RAB38: variants seen among roughly 807,000 people sequenced by gnomAD.
The protein encoded by RAB38 is RAB38, member RAS oncogene family.
RAB38 carries 15 observed loss-of-function variants against 18.4 expected under a neutral mutation model. That is an observed-to-expected ratio of 0.82 (90% CI 0.55 to 1.26). RAB38 has a LOEUF of 1.26. Ranked by LOEUF, RAB38 falls within the 50% of genes most tolerant of loss-of-function variation. The pLI is 0.00. For synonymous variants in RAB38, 101 were observed against 104.4 expected, an observed-to-expected ratio of 0.97 and a Z score of 0.20; for missense variants, 294 against 267.4, an observed-to-expected ratio of 1.10 and a Z score of -0.69.
chr11:88,083,309 A>G, the RAB38 span, among the ~76,000 whole-genome samples: 8 of 151,986 alleles, frequency 5.3e-5, no homozygotes, highest in African/African-American at 1.9e-4. Flanking sequence ...TATGTGCATT[A>G]TATATTTTTG....
the RAB38 span, among the ~76,000 whole-genome samples, chr11:87,957,994 C>A: frequency 2.0e-5 from 3 of 152,254 alleles, no homozygotes; most frequent in South Asian, 4.1e-4. Flanking sequence ...CCCAGACTTA[C>A]AATGATTCGA....
At chr11:87,829,789 A>T in the RAB38 span, among the ~76,000 whole-genome samples, 3 of 152,194 alleles carry the variant, frequency 2.0e-5, no homozygotes, top group Non-Finnish European at 4.4e-5. Context: ...AGCAGTGTGG[A>T]TAGTGAGGTA....
the RAB38 span, among the ~76,000 whole-genome samples, chr11:88,106,663 G>C: frequency 6.6e-6 from 1 of 152,128 alleles, no homozygotes; most frequent in Non-Finnish European, 1.5e-5. Flanking sequence ...TTAGCTTGAT[G>C]ATATGGAAAA....
chr11:88,095,527 C>T, the RAB38 span, among the ~76,000 whole-genome samples: 1 of 151,828 alleles, frequency 6.6e-6, no homozygotes, highest in African/African-American at 2.4e-5. Context: ...TATGCTATTC[C>T]TTCTTATTTT....
At chr11:88,089,238 C>T in the RAB38 span, among the ~76,000 whole-genome samples, 1 of 151,506 alleles carries the variant, frequency 6.6e-6, no homozygotes, top group Non-Finnish European at 1.5e-5. Flanking sequence ...GTTGGGCAAC[C>T]CTGAGGTGGC....
chr11:88,169,973 C>A (rs1426926), intron 1 of RAB38, among the ~76,000 whole-genome samples: 1 of 151,876 alleles, frequency 6.6e-6, no homozygotes, highest in Non-Finnish European at 1.5e-5. Flanking sequence ...TATATACATA[C>A]ATATATTTGC....
the RAB38 span, among the ~76,000 whole-genome samples, chr11:87,951,720 T>C: frequency 1.3e-5 from 2 of 152,058 alleles, no homozygotes; most frequent in Non-Finnish European, 2.9e-5. Context: ...CGGATATTGG[T>C]GAACCGCAAA....
At chr11:88,098,098 A>C in the RAB38 span, 1 of 151,602 alleles carries the variant, frequency 6.6e-6, no homozygotes, top group South Asian at 2.1e-4. Context: ...GAGATGCAGT[A>C]ATACATAAAT....
At chr11:87,952,086 G>A in the RAB38 span, among the ~76,000 whole-genome samples, 1 of 152,134 alleles carries the variant, frequency 6.6e-6, no homozygotes, top group Non-Finnish European at 1.5e-5. Flanking sequence ...GAAGCAGTGG[G>A]TAAGGTCCTG....
the RAB38 span, among the ~76,000 whole-genome samples, chr11:88,029,033 G>C: frequency 6.6e-6 from 1 of 152,028 alleles, no homozygotes; most frequent in Non-Finnish European, 1.5e-5. Flanking sequence ...CGGATCTCTC[G>C]GCAGAAACTC....
the RAB38 span, among the ~76,000 whole-genome samples, chr11:88,027,894 C>G: frequency 1.3e-5 from 2 of 152,188 alleles, no homozygotes; most frequent in Non-Finnish European, 2.9e-5. Flanking sequence ...CAGCATGCAG[C>G]TGGAGATCTG....
the RAB38 span, among the ~76,000 whole-genome samples, chr11:87,849,409 C>T: frequency 5.3e-5 from 8 of 152,232 alleles, 1 homozygote; most frequent in South Asian, 8.3e-4. Context: ...GTTTGCTCAG[C>T]GCTGACTGCT....
the RAB38 span, among the ~76,000 whole-genome samples, chr11:88,039,249 G>C: frequency 4.6e-5 from 7 of 152,106 alleles, no homozygotes; most frequent in African/African-American, 1.7e-4. Context: ...TTTAGAGACT[G>C]CTTGGAATTA....
At chr11:88,158,775 A>G (rs994659523) in intron 1 of RAB38, among the ~76,000 whole-genome samples, 10 of 152,142 alleles carry the variant, frequency 6.6e-5, no homozygotes, top group African/African-American at 4.8e-5. Context: ...CCTCAACATA[A>G]TAAGAGTGAT....
the RAB38 span, among the ~76,000 whole-genome samples, chr11:87,803,983 A>T: frequency 6.6e-6 from 1 of 152,316 alleles, no homozygotes. Flanking sequence ...TGACTGAGTG[A>T]ATGTGTGTAC....
chr11:88,089,661 G>A, the RAB38 span, among the ~76,000 whole-genome samples: 3 of 151,830 alleles, frequency 2.0e-5, no homozygotes, highest in Admixed American at 2.0e-4. Context: ...GTCATGAAAA[G>A]TTAAAGAACA....
the RAB38 span, among the ~76,000 whole-genome samples, chr11:87,954,360 T>G: frequency 6.6e-6 from 1 of 152,120 alleles, no homozygotes; most frequent in Non-Finnish European, 1.5e-5. Flanking sequence ...GTCTCTCCCT[T>G]GAGTTTGGAA....
chr11:88,011,905 G>T, the RAB38 span, among the ~76,000 whole-genome samples: 1 of 152,168 alleles, frequency 6.6e-6, no homozygotes, highest in Non-Finnish European at 1.5e-5. Context: ...TCTTTTGAGT[G>T]AGAGATTTTG....
intron 2 of RAB38, among the ~76,000 whole-genome samples, chr11:88,120,693 T>C (rs1375166407): frequency 6.6e-6 from 1 of 152,182 alleles, no homozygotes; most frequent in Non-Finnish European, 1.5e-5. Flanking sequence ...ATCCCCACCA[T>C]GGCCTTACCT....
Sources: allele counts gnomAD v4.1 joint callset (sites outside exome capture counted in the v4.1 genomes callset), GRCh38; gene constraint gnomAD v4.1.1; transcripts MANE v1.5; gene names NCBI Gene and HGNC (gene_info 2026-07-23, HGNC 2026-07-21).